Variants in SLC14A2 observed in about 807,000 individuals in gnomAD.
SLC14A2 encodes urea transporter 2.
A neutral mutation model predicts 104.6 loss-of-function variants in SLC14A2; 91 were observed. That is an observed-to-expected ratio of 0.87 (90% CI 0.73 to 1.04). The LOEUF (loss-of-function observed/expected upper bound fraction) is 1.04. Ranked by LOEUF, SLC14A2 falls within the 50% of genes least tolerant of loss-of-function variation. The pLI is 0.00. For synonymous variants in SLC14A2, 476 were observed against 466.4 expected (o/e 1.02, Z -0.27); for missense variants, 1,189 against 1,156.0 (o/e 1.03, Z -0.41).
chr18:45,618,530 G>T (rs1021819028), intron 1 of SLC14A2, among the ~76,000 whole-genome samples: 1 of 151,712 alleles, frequency 6.6e-6, no homozygotes, highest in Non-Finnish European at 1.5e-5. Context: ...TTAGCCAGGC[G>T]TGGTGGCAGG....
chr18:45,475,474 A>G (rs186146049), intron 1 of SLC14A2, among the ~76,000 whole-genome samples: 39 of 151,532 alleles, frequency 2.6e-4, no homozygotes, highest in African/African-American at 9.2e-4. Flanking sequence ...TTAATACACT[A>G]TTATTGTGTG....
intron 2 of SLC14A2, among the ~76,000 whole-genome samples, chr18:45,532,201 T>A (rs1363467394): frequency 6.6e-6 from 1 of 152,174 alleles, no homozygotes; most frequent in Non-Finnish European, 1.5e-5. Flanking sequence ...TTTGGTTCCA[T>A]ACGAACTTTA....
intron 2 of SLC14A2, among the ~76,000 whole-genome samples, chr18:45,501,122 G>A (rs2043191201): frequency 6.6e-6 from 1 of 152,160 alleles, no homozygotes; most frequent in Non-Finnish European, 1.5e-5. Flanking sequence ...CGTTTTACCA[G>A]CAAAGAACCT....
chr18:45,515,276 C>A (rs926611894), intron 2 of SLC14A2, among the ~76,000 whole-genome samples: 59 of 152,162 alleles, frequency 3.9e-4, no homozygotes, highest in African/African-American at 1.4e-3. Context: ...TTGACTGTAG[C>A]CTCACTGAGC....
chr18:45,241,810 A>T (rs1316576837), intron 1 of SLC14A2, among the ~76,000 whole-genome samples: 1 of 151,522 alleles, frequency 6.6e-6, no homozygotes, highest in Non-Finnish European at 1.5e-5. Flanking sequence ...CGCCCAGTTA[A>T]TTTTGTATTT....
chr18:45,510,226 G>A (rs1286847909), intron 2 of SLC14A2, among the ~76,000 whole-genome samples: 2 of 152,156 alleles, frequency 1.3e-5, no homozygotes, highest in Admixed American at 6.5e-5. Flanking sequence ...ACTTAAATGT[G>A]ACAATAGATT....
At chr18:45,168,605 G>A in the SLC14A2 span, 11 of 152,214 alleles carry the variant, frequency 7.2e-5, no homozygotes, top group South Asian at 2.1e-4. Flanking sequence ...TAGAATTTAC[G>A]TACATGAGCC....
intron 2 of SLC14A2, among the ~76,000 whole-genome samples, chr18:45,581,401 G>C (rs2044490330): frequency 6.6e-6 from 1 of 152,186 alleles, no homozygotes. Context: ...CGTGGAGCCA[G>C]GAGAGTCCAG....
chr18:45,494,915 T>TACACACACACACACAC (rs58079608), intron 2 of SLC14A2, among the ~76,000 whole-genome samples: 9,105 of 148,638 alleles, frequency 0.061, 373 homozygotes, highest in East Asian at 0.16. Flanking sequence ...CACACACACA[T>TACACACACACACACAC]ACACACACAC....
intron 2 of SLC14A2, among the ~76,000 whole-genome samples, chr18:45,547,448 G>A (rs747067320): frequency 1.5e-4 from 23 of 152,126 alleles, no homozygotes; most frequent in African/African-American, 2.2e-4. Context: ...CAAGAGAGCC[G>A]CAGAACAGGG....
At chr18:45,306,729 G>A (rs34290374) in intron 1 of SLC14A2, among the ~76,000 whole-genome samples, 7,430 of 152,158 alleles carry the variant, frequency 0.049, 296 homozygotes, top group African/African-American at 0.11. Flanking sequence ...CCACTATGTC[G>A]CTGAGGAAAG....
intron 1 of SLC14A2, among the ~76,000 whole-genome samples, chr18:45,386,377 C>A (rs2085896684): frequency 6.6e-6 from 1 of 152,196 alleles, no homozygotes; most frequent in East Asian, 1.9e-4. Context: ...ACTCTGATTT[C>A]TGCAGTATCT....
chr18:45,391,706 T>C (rs1471153151), intron 1 of SLC14A2, among the ~76,000 whole-genome samples: 1 of 152,236 alleles, frequency 6.6e-6, no homozygotes, highest in Non-Finnish European at 1.5e-5. Context: ...ATGTGTCTTT[T>C]GGCTGTATAA....
intron 1 of SLC14A2, among the ~76,000 whole-genome samples, chr18:45,384,853 A>C (rs1156991453): frequency 6.6e-6 from 1 of 152,216 alleles, no homozygotes; most frequent in Non-Finnish European, 1.5e-5. Context: ...AATTATGTGA[A>C]AGTTCCTCTA....
chr18:45,414,787 TATATATATAG>T, intron 1 of SLC14A2, among the ~76,000 whole-genome samples: 1 of 106,488 alleles, frequency 9.4e-6, no homozygotes, highest in African/African-American at 3.3e-5. Context: ...TATATATATA[TATATATATAG>T]AAAAGTACAG....
At chr18:45,426,664 C>CAT (rs201032792) in intron 1 of SLC14A2, among the ~76,000 whole-genome samples, 4 of 143,276 alleles carry the variant, frequency 2.8e-5, no homozygotes, top group Non-Finnish European at 4.5e-5. Context: ...CATACATATA[C>CAT]ATATATATAC....
At chr18:45,593,543 G>A (rs1307113147) in intron 2 of SLC14A2, among the ~76,000 whole-genome samples, 1 of 125,614 alleles carries the variant, frequency 8.0e-6, no homozygotes, top group East Asian at 2.5e-4. Flanking sequence ...AGGCTGGAGT[G>A]CAGTGGCACG....
intron 2 of SLC14A2, among the ~76,000 whole-genome samples, chr18:45,495,765 C>T (rs572742330): frequency 1.3e-5 from 2 of 152,232 alleles, no homozygotes; most frequent in African/African-American, 4.8e-5. Context: ...TAAGAGAAGC[C>T]AGTTAAATTT....
At chr18:45,606,120 T>C (rs2044863045) in intron 2 of SLC14A2, among the ~76,000 whole-genome samples, 3 of 152,112 alleles carry the variant, frequency 2.0e-5, no homozygotes, top group African/African-American at 7.2e-5. Context: ...ACAGCCCCTT[T>C]TAATCACTCC....
Sources: allele counts gnomAD v4.1 joint callset (sites outside exome capture counted in the v4.1 genomes callset), GRCh38; gene constraint gnomAD v4.1.1; transcripts MANE v1.5; gene names NCBI Gene and HGNC (gene_info 2026-07-23, HGNC 2026-07-21).